The following CNOT4 variants were observed in gnomAD, a reference collection of about 807,000 sequenced individuals.
CNOT4 encodes CCR4-associated factor 4.
In CNOT4, 8 loss-of-function variants were observed where a neutral mutation model predicts 73.8. The observed-to-expected ratio is 0.11, with a 90% CI of 0.06 to 0.20. The LOEUF (loss-of-function observed/expected upper bound fraction) is 0.20. CNOT4 is among the 10% of genes least tolerant of loss of function. The pLI is 1.00. For synonymous variants in CNOT4, 293 were observed against 321.1 expected (o/e 0.91, Z 0.94); for missense variants, 564 against 883.4 (o/e 0.64, Z 4.58).
At chr7:135,369,745 C>A (rs1169850706) in intron 10 of CNOT4, among the ~76,000 whole-genome samples, 1 of 152,146 alleles carries the variant, frequency 6.6e-6, no homozygotes, top group Non-Finnish European at 1.5e-5. Context: ...GCCCCCACAC[C>A]CCTCCCTCTT....
intron 1 of CNOT4, among the ~76,000 whole-genome samples, chr7:135,471,372 T>A (rs529931673): frequency 1.3e-5 from 2 of 152,194 alleles, no homozygotes; most frequent in South Asian, 4.1e-4. Context: ...TATTATAAAC[T>A]TATAAAATCT....
rs1407133864 is a variant in CNOT4 at position 135,509,964 on chromosome 7, C to G, written c.-168G>C. On this transcript the variant is annotated 5_prime_UTR_variant, in exon 1 of 12. Coordinates refer to ENST00000541284, the MANE Select transcript of CNOT4 (RefSeq NM_001190850.2). The stretch of plus-strand genomic sequence containing the variant: ...TCCTCACAAGAAACCACCGAACGAG[C>G]GTCGGGGAAAAAACTCTTCAGAACC... The G allele has an allele frequency of 3.8e-5, 15 of 399,024 alleles. No homozygotes were observed. The highest frequency in any genetic ancestry group is 8.8e-6 in the Non-Finnish European group (2 of 226,188). The allele number at this position is 399,024 out of a possible 1,614,324, so 24.7% of individuals were successfully genotyped here. A position where few individuals can be genotyped will look rare whatever the true frequency, so the allele number is the denominator to read the frequency against.
intron 1 of CNOT4, among the ~76,000 whole-genome samples, chr7:135,504,104 T>C (rs968400598): frequency 6.6e-6 from 1 of 152,224 alleles, no homozygotes; most frequent in Non-Finnish European, 1.5e-5. Context: ...ACTTCCACTC[T>C]ATTCCAAACT....
At chr7:135,439,728 T>TA (rs1238232105) in intron 1 of CNOT4, among the ~76,000 whole-genome samples, 1 of 152,332 alleles carries the variant, frequency 6.6e-6, no homozygotes, top group Admixed American at 6.5e-5. Flanking sequence ...TGCAGTGAGC[T>TA]ATAACTGTGC....
intron 6 of CNOT4, among the ~76,000 whole-genome samples, chr7:135,411,370 G>A (rs1344221290): frequency 6.6e-6 from 1 of 151,968 alleles, no homozygotes; most frequent in Non-Finnish European, 1.5e-5. Context: ...ATGTAGTAGT[G>A]CAACAGAGGC....
At chr7:135,413,447 T>A in intron 6 of CNOT4, 41 bp downstream of exon 6, 2 of 1,591,690 alleles carry the variant, frequency 1.3e-6, no homozygotes, top group Non-Finnish European at 1.7e-6. Flanking sequence ...AAAAAAGTAC[T>A]CCCTTTTCTG....
chr7:135,505,528 G>A (rs148002195), intron 1 of CNOT4, among the ~76,000 whole-genome samples: 35 of 152,156 alleles, frequency 2.3e-4, no homozygotes, highest in African/African-American at 8.2e-4. Context: ...CTCCAGCCTG[G>A]GTGACAGAGC....
At position 135,488,449 on chromosome 7, in the gene CNOT4, G is replaced by C. The variant is rs937012984; in HGVS notation, c.-93+21440C>G. 1.1e-4 allele frequency among the ~76,000 whole-genome samples: 16 copies of C among 152,282 alleles called. No individual in the cohort carries two copies. The East Asian group carries it at 3.1e-3, about 29-fold the overall frequency. On this transcript the variant is annotated intron_variant, in intron 1 of 11. Transcript: ENST00000541284. ...GCTGGTCTTGAACTCCTGACCTCAAGTGATCCGCCCGCCTCGGCCTCCCAA... is the reference window on the plus strand; with the variant it reads ...GCTGGTCTTGAACTCCTGACCTCAACTGATCCGCCCGCCTCGGCCTCCCAA...
At chr7:135,473,734 AAG>A (rs1801795170) in intron 1 of CNOT4, among the ~76,000 whole-genome samples, 1 of 152,138 alleles carries the variant, frequency 6.6e-6, no homozygotes, top group South Asian at 2.1e-4. Flanking sequence ...GTAATTGAGC[AAG>A]AGAGTCTTAA....
chr7:135,435,855 C>T (rs574427001), intron 2 of CNOT4, among the ~76,000 whole-genome samples: 1 of 152,166 alleles, frequency 6.6e-6, no homozygotes, highest in Non-Finnish European at 1.5e-5. Flanking sequence ...TTTCCATTAA[C>T]CTTAAGGCTC....
At chr7:135,397,543 C>A (rs950028338) in intron 8 of CNOT4, among the ~76,000 whole-genome samples, 1 of 149,646 alleles carries the variant, frequency 6.7e-6, no homozygotes, top group Non-Finnish European at 1.5e-5. Flanking sequence ...ACGGGAGATA[C>A]TAAATTACAT....
At position 135,364,435 on chromosome 7, in the gene CNOT4, C is replaced by T. The variant is rs1210668282; in HGVS notation, c.1628-369G>A. 2.6e-5 allele frequency among the ~76,000 whole-genome samples: 4 copies of T among 152,156 alleles called. No individual in the cohort carries two copies. The highest frequency in any genetic ancestry group is 6.5e-5 in the Admixed American group (1 of 15,284). On this transcript the variant is annotated intron_variant, in intron 10 of 11. Transcript: ENST00000541284. This position sits in a 1 kb window ranked among gnomAD's most constrained non-coding sequence, Gnocchi z 4.3. ...GCATTTAGCCAGCTGAGCTGATTTA[C>T]GCTATAAAAAAGCCAAGTCTGCAAA...
chr7:135,402,120 T>G lies in CNOT4; in HGVS notation c.822-3894A>C, dbSNP rs1797033924. Among the ~76,000 whole-genome samples the G allele has an allele frequency of 3.3e-5, 5 of 151,948 alleles. No homozygotes were observed. The East Asian group carries it at 7.7e-4, about 23-fold the overall frequency. On this transcript the variant is annotated intron_variant, in intron 7 of 11. Coordinates refer to ENST00000541284, the MANE Select transcript of CNOT4 (RefSeq NM_001190850.2). ...CCATGGTAAGACTATATCTTTTTTT[T>G]TTTTTTTGAGACAGAGTCTTGCTCT...
chr7:135,474,038 G>GC (rs1801821432), intron 1 of CNOT4, among the ~76,000 whole-genome samples: 1 of 147,968 alleles, frequency 6.8e-6, no homozygotes, highest in Non-Finnish European at 1.5e-5. Flanking sequence ...GGAGTGCAAT[G>GC]GTGCAATCTC....
intron 7 of CNOT4, among the ~76,000 whole-genome samples, chr7:135,401,663 A>G (rs1231091021): frequency 6.6e-6 from 1 of 152,224 alleles, no homozygotes; most frequent in African/African-American, 2.4e-5. Flanking sequence ...AGGTGTTTGA[A>G]AAATTGGAGA....
chr7:135,442,906 A>T (rs1022027290), intron 1 of CNOT4, among the ~76,000 whole-genome samples: 2 of 151,894 alleles, frequency 1.3e-5, no homozygotes, highest in Non-Finnish European at 2.9e-5. Context: ...AAAAATTTTT[A>T]AAATTAGCCA....
At chr7:135,437,730 G>C (rs762369222) in intron 2 of CNOT4, among the ~76,000 whole-genome samples, 28 of 152,136 alleles carry the variant, frequency 1.8e-4, no homozygotes, top group Non-Finnish European at 3.4e-4. Context: ...ACTCTTTTTA[G>C]TAAACATCTT....
chr7:135,477,404 A>G (rs2129487059), intron 1 of CNOT4, among the ~76,000 whole-genome samples: 1 of 152,302 alleles, frequency 6.6e-6, no homozygotes. Flanking sequence ...AAATCAATAA[A>G]AGGACACCCA....
At chr7:135,389,127 T>C (rs1373407962) in intron 10 of CNOT4, among the ~76,000 whole-genome samples, 3 of 49,992 alleles carry the variant, frequency 6.0e-5, no homozygotes, top group African/African-American at 8.3e-5. Context: ...TAAGAACAAA[T>C]ACAATAGATT....
Sources: gnomAD v4.1 joint callset for allele counts (sites outside exome capture counted in the v4.1 genomes callset) on GRCh38, gnomAD v4.1.1 for gene constraint, Gnocchi (gnomAD v3.1) non-coding constraint, MANE v1.5 for transcripts, NCBI Gene and HGNC (gene_info 2026-07-23, HGNC 2026-07-21) for gene names.